The following PDZD9 variants were observed in gnomAD, a reference collection of about 807,000 sequenced individuals.
The protein encoded by PDZD9 is PDZ domain containing 9.
A neutral mutation model predicts 16.3 loss-of-function variants in PDZD9; 13 were observed. The observed-to-expected ratio is 0.80, with a 90% confidence interval of 0.52 to 1.27. The LOEUF is 1.27. Ranked by LOEUF, PDZD9 falls within the 50% of genes most tolerant of loss-of-function variation. PDZD9 has a pLI of 0.00. For synonymous variants in PDZD9, 120 were observed against 111.0 expected (o/e 1.08, Z -0.51); for missense variants, 288 against 310.9 (o/e 0.93, Z 0.55).
At chr16:21,970,125 T>C in the PDZD9 span, among the ~76,000 whole-genome samples, 1 of 152,202 alleles carries the variant, frequency 6.6e-6, no homozygotes, top group Non-Finnish European at 1.5e-5. Context: ...GGTCCGTCCA[T>C]ATTGTAGCAT....
intron 3 of PDZD9, among the ~76,000 whole-genome samples, chr16:21,988,078 G>T (rs1046783207): frequency 2.0e-5 from 3 of 148,756 alleles, no homozygotes; most frequent in Admixed American, 1.4e-4. Context: ...TGCGATCTCG[G>T]CTCACTGCAA....
chr16:21,980,527 T>C (rs1180192994), downstream of PDZD9: 2 of 1,607,564 alleles, frequency 1.2e-6, no homozygotes, highest in Admixed American at 3.4e-5. Context: ...TAAAACTGAC[T>C]TCTGCCTTTT....
rs60850115 is a variant in PDZD9 at position 21,999,409 on chromosome 16, C to T, written c.31+1608G>A. The stretch of plus-strand genomic sequence containing the variant: ...GTGGAGGAGGCAGCACTATGGTCCT[C>T]GGAGAGCCAGACCCCAAGCACCAGA... On this transcript the variant is annotated intron_variant, in intron 1 of 3. Coordinates refer to ENST00000424898, the MANE Select transcript of PDZD9 (RefSeq NM_001363519.1). The T allele has an allele frequency of 1.9e-3, 313 of 166,538 alleles. 1 individual carries two copies. Among genetic ancestry groups the T allele is most frequent in the African/African-American group, 7.1e-3 (298 of 42,014 alleles). The allele number at this position is 166,538 out of a possible 1,614,324, so 10.3% of individuals were successfully genotyped here.
the PDZD9 span, among the ~76,000 whole-genome samples, chr16:21,978,832 C>T: frequency 7.2e-5 from 11 of 152,080 alleles, no homozygotes; most frequent in Non-Finnish European, 1.5e-4. Flanking sequence ...CCCTGTTTCA[C>T]TGTGTAAGAG....
chr16:21,968,356 A>G, the PDZD9 span: 145 of 253,012 alleles, frequency 5.7e-4, no homozygotes, highest in Non-Finnish European at 8.7e-4. Flanking sequence ...TCACCATACT[A>G]TACAACCTAT....
downstream of PDZD9, among the ~76,000 whole-genome samples, chr16:21,981,863 C>G (rs1212967284): frequency 6.7e-6 from 1 of 148,190 alleles, no homozygotes; most frequent in Admixed American, 6.7e-5. Context: ...TTTTTTGAGA[C>G]GGAGTCTTGC....
intron 1 of PDZD9, among the ~76,000 whole-genome samples, chr16:22,000,291 T>C (rs1360638387): frequency 6.6e-6 from 1 of 152,010 alleles, no homozygotes; most frequent in Non-Finnish European, 1.5e-5. Context: ...CCTATTTACA[T>C]TGGTATAATT....
chr16:21,980,655 A>G (rs770305624), downstream of PDZD9: 1 of 1,614,226 alleles, frequency 6.2e-7, no homozygotes, highest in Admixed American at 1.7e-5. Context: ...CACCATCCAC[A>G]GTCCTTCAGC....
the PDZD9 span, among the ~76,000 whole-genome samples, chr16:21,969,321 G>A: frequency 2.0e-5 from 3 of 152,108 alleles, no homozygotes; most frequent in African/African-American, 7.2e-5. Context: ...ATCACCTGAG[G>A]TCAGGAGTTC....
chr16:21,988,845 A>G (rs1898952167), intron 2 of PDZD9, 54 bp from the exon 3 acceptor site: 1 of 1,388,210 alleles, frequency 7.2e-7, no homozygotes, highest in African/African-American at 1.5e-5. Context: ...AAGGGACTAT[A>G]TTGATTTCTG....
At chr16:21,995,402 C>T (rs1899123888) in intron 2 of PDZD9, 1 of 349,280 alleles carries the variant, frequency 2.9e-6, no homozygotes, top group Non-Finnish European at 5.7e-6. Flanking sequence ...CTAATATAGA[C>T]AGCATCTCAC....
At chr16:21,995,128 C>T in intron 2 of PDZD9, 2 of 418,364 alleles carry the variant, frequency 4.8e-6, no homozygotes, top group South Asian at 3.6e-5. Context: ...AGATTTCCCC[C>T]TTCCTGTTCT....
At chr16:21,994,431 C>A (rs1195181975) in intron 2 of PDZD9, among the ~76,000 whole-genome samples, 1 of 152,208 alleles carries the variant, frequency 6.6e-6, no homozygotes, top group African/African-American at 2.4e-5. Flanking sequence ...CAGTACTAGG[C>A]CCAGGCCAGG....
intron 2 of PDZD9, among the ~76,000 whole-genome samples, chr16:21,992,558 A>T (rs1430568442): frequency 1.3e-5 from 2 of 152,148 alleles, no homozygotes; most frequent in East Asian, 3.9e-4. Context: ...AGGTGGAAAA[A>T]GGTGGAATGA....
At chr16:21,976,755 T>A in the PDZD9 span, 1 of 152,240 alleles carries the variant, frequency 6.6e-6, no homozygotes, top group Non-Finnish European at 1.5e-5. Context: ...CTGTATACTT[T>A]TTTATCTTAT....
At chr16:21,968,556 T>C in the PDZD9 span, 1 of 1,389,562 alleles carries the variant, frequency 7.2e-7, no homozygotes, top group Non-Finnish European at 9.8e-7. Flanking sequence ...TCTTCCAAAC[T>C]GTACTTTTAT....
At chr16:21,990,614 C>G (rs1381846184) in intron 2 of PDZD9, among the ~76,000 whole-genome samples, 1 of 152,178 alleles carries the variant, frequency 6.6e-6, no homozygotes, top group African/African-American at 2.4e-5. Flanking sequence ...TATGAAACAG[C>G]TGCTCATCCT....
the PDZD9 span, chr16:21,971,901 T>C: frequency 6.2e-7 from 1 of 1,612,754 alleles, no homozygotes; most frequent in Non-Finnish European, 8.5e-7. Context: ...TCTTCTTCCC[T>C]CTATCCTTAA....
chr16:21,980,789 G>A, downstream of PDZD9: 2 of 1,487,526 alleles, frequency 1.3e-6, no homozygotes, highest in Admixed American at 1.9e-5. Flanking sequence ...TCCTTGGGCA[G>A]TGTATTATTC....
Sources: gnomAD v4.1 joint callset for allele counts (sites outside exome capture counted in the v4.1 genomes callset) on GRCh38, gnomAD v4.1.1 for gene constraint, MANE v1.5 for transcripts, NCBI Gene and HGNC (gene_info 2026-07-23, HGNC 2026-07-21) for gene names.